Variants in ANKRD30A observed in about 807,000 individuals in gnomAD.
ANKRD30A encodes ankyrin repeat domain-containing protein 30A.
In ANKRD30A, 170 loss-of-function variants were observed where a neutral mutation model predicts 166.3. The observed-to-expected ratio is 1.02, with a 90% CI of 0.90 to 1.16. ANKRD30A has a LOEUF of 1.16. Among genes scored for constraint, ANKRD30A ranks in the 50% most tolerant of loss-of-function variants. ANKRD30A has a pLI of 0.00. For synonymous variants in ANKRD30A, 564 were observed against 508.9 expected (o/e 1.11, Z -1.46); for missense variants, 1,630 against 1,518.0 (o/e 1.07, Z -1.23).
chr10:37,216,496 G>GA, intron 32 of ANKRD30A, 102 bp downstream of exon 32: 2 of 1,125,888 alleles, frequency 1.8e-6, no homozygotes, highest in Non-Finnish European at 1.2e-6. Context: ...TTTTACTGGA[G>GA]AAAAAAATGT....
chr10:37,132,441 T>C (rs1836435469), intron 4 of ANKRD30A, 95 bp downstream of exon 4: 1 of 691,054 alleles, frequency 1.4e-6, no homozygotes, highest in Non-Finnish European at 2.2e-6. Context: ...TACTTAAAAT[T>C]GTTAGATTAT....
At chr10:37,153,484 T>C (rs1216475459) in intron 12 of ANKRD30A, 88 bp from the exon 13 acceptor site, 16 of 1,571,914 alleles carry the variant, frequency 1.0e-5, no homozygotes, top group Admixed American at 4.0e-5. Flanking sequence ...AATTGTGTTT[T>C]TAAAAAAGAA....
At chr10:37,261,493 TA>T in the ANKRD30A span, among the ~76,000 whole-genome samples, 1 of 152,178 alleles carries the variant, frequency 6.6e-6, no homozygotes, top group Non-Finnish European at 1.5e-5. Flanking sequence ...AGATGAATCA[TA>T]AATGAACACT....
At chr10:37,256,332 C>T in the ANKRD30A span, among the ~76,000 whole-genome samples, 15 of 152,340 alleles carry the variant, frequency 9.8e-5, no homozygotes, top group African/African-American at 3.6e-4. Context: ...TCATGGATCA[C>T]TGCAGCCTCA....
chr10:37,213,438 A>T (rs1842442331), intron 31 of ANKRD30A, among the ~76,000 whole-genome samples: 1 of 151,626 alleles, frequency 6.6e-6, no homozygotes, highest in Non-Finnish European at 1.5e-5. Flanking sequence ...TAATAACATC[A>T]CCTCTATGAT....
intron 17 of ANKRD30A, among the ~76,000 whole-genome samples, chr10:37,163,955 C>T (rs2132601948): frequency 7.9e-6 from 1 of 125,926 alleles, no homozygotes; most frequent in Non-Finnish European, 1.8e-5. Flanking sequence ...TGCCCCACAG[C>T]TTCTTAGAGC....
chr10:37,206,832 G>A (rs1013893048), intron 31 of ANKRD30A, among the ~76,000 whole-genome samples: 1 of 123,530 alleles, frequency 8.1e-6, no homozygotes. Context: ...ATTTCTTAGA[G>A]ACTAACATGA....
rs372420008 is a variant in ANKRD30A at position 37,141,994 on chromosome 10, A to G, written c.1097A>G (p.Lys366Arg). 16 of 1,614,004 alleles carry G rather than the reference A, an allele frequency of 9.9e-6. No homozygotes were observed. The highest frequency in any genetic ancestry group is 1.3e-5 in the African/African-American group (1 of 74,918). ...ETPREITSPA[K>R]ETSEKFTWPA... ...CCTAGGGAAATTACGAGTCCTGCAA[A>G]AGAAACATCTGAGAAATTTACGTGG... is the stretch of plus-strand genomic sequence containing the variant. The change falls in exon 7 of 36, where the codon AAA becomes AGA. Residue 366 changes from lysine (K) to arginine (R), a missense_variant. This residue lies in a region of ANKRD30A where 904 missense variants were observed against 818.5 expected (regional missense o/e 1.10). Transcript: ENST00000361713.
rs1399109598 is a variant in ANKRD30A, at chr10:37,126,002, A to C, written c.215A>C (p.Gln72Pro). The C allele has an allele frequency of 6.2e-7, 1 of 1,607,658 alleles. No individual in the cohort carries two copies. Among genetic ancestry groups the C allele is most frequent in the African/African-American group, 1.3e-5 (1 of 74,618 alleles). ...ATCAACCTTAATATACAAGACGCCC[A>C]GAAGAGGTACCAGGCCCTGCCTGAG... ...KTINLNIQDA[Q>P]KRTALHWACV... is the part of the protein sequence containing the mutation. Residue 72 changes from glutamine to proline, a missense_variant, in exon 1 of 36, where the codon CAG (glutamine) becomes CCG (proline). By Grantham distance (76) the Gln-to-Pro change is moderately conservative. Coordinates refer to ENST00000361713, the MANE Select transcript of ANKRD30A (RefSeq NM_052997.3).
At chr10:37,161,744 C>A (rs1050509835) in intron 15 of ANKRD30A, among the ~76,000 whole-genome samples, 1 of 152,110 alleles carries the variant, frequency 6.6e-6, no homozygotes, top group African/African-American at 2.4e-5. Flanking sequence ...GTTCGCTATA[C>A]AAATGACACA....
intron 31 of ANKRD30A, among the ~76,000 whole-genome samples, chr10:37,203,590 C>T (rs537185817): frequency 1.8e-4 from 27 of 152,288 alleles, no homozygotes; most frequent in Non-Finnish European, 3.1e-4. Context: ...CAGGGATGCC[C>T]TCTCTCACCA....
At chr10:37,142,921 A>G (rs975696951) in intron 7 of ANKRD30A, among the ~76,000 whole-genome samples, 7 of 152,072 alleles carry the variant, frequency 4.6e-5, no homozygotes, top group South Asian at 2.1e-4. Context: ...CAACAGCTCC[A>G]ATAATCATGC....
At chr10:37,165,905 G>GGT (rs1313905332) in intron 18 of ANKRD30A, among the ~76,000 whole-genome samples, 1 of 151,466 alleles carries the variant, frequency 6.6e-6, no homozygotes, top group African/African-American at 2.4e-5. Context: ...AGCAAAGGGT[G>GGT]GAAGTCAATA....
At chr10:37,204,990 C>A (rs1027547466) in intron 31 of ANKRD30A, among the ~76,000 whole-genome samples, 3 of 152,110 alleles carry the variant, frequency 2.0e-5, no homozygotes, top group African/African-American at 7.2e-5. Flanking sequence ...AACGCTTTTA[C>A]ACTGTTGGTG....
the ANKRD30A span, among the ~76,000 whole-genome samples, chr10:37,259,755 T>C: frequency 1.3e-5 from 2 of 152,228 alleles, no homozygotes; most frequent in Non-Finnish European, 2.9e-5. Flanking sequence ...ACACATGTTC[T>C]ATGAATCCAT....
At position 37,125,966 on chromosome 10, in the gene ANKRD30A, G is replaced by A. The variant is rs774400842; in HGVS notation, c.179G>A (p.Arg60Lys). 6.8e-6 allele frequency: 11 copies of A among 1,612,140 alleles called. No individual in the cohort carries two copies. The South Asian group carries it at 7.7e-5, about 11-fold the overall frequency. Residue 60 changes from arginine (R) to lysine (K), a missense_variant, in exon 1 of 36, where the codon AGG becomes AAG. By Grantham distance (26) the Arg-to-Lys change is conservative. This residue lies in a region of ANKRD30A where 904 missense variants were observed against 818.5 expected (regional missense o/e 1.10). Coordinates refer to ENST00000361713, the MANE Select transcript of ANKRD30A (RefSeq NM_052997.3). ...CGGAAGCTGGAGAAGATGACAAAGA[G>A]GAAGAAGACCATCAACCTTAATATA... ...QVRKLEKMTK[R>K]KKTINLNIQD...
chr10:37,254,608 A>C, the ANKRD30A span, among the ~76,000 whole-genome samples: 1 of 150,784 alleles, frequency 6.6e-6, no homozygotes, highest in Non-Finnish European at 1.5e-5. Flanking sequence ...TTTTAGATAC[A>C]TATTTCTAAT....
chr10:37,197,160 T>G, intron 27 of ANKRD30A, 121 bp from the exon 28 acceptor site: 1 of 1,391,666 alleles, frequency 7.2e-7, no homozygotes, highest in Non-Finnish European at 1.0e-6. Context: ...ACTTTCCAAA[T>G]CTAAAGTATT....
At chr10:37,254,018 T>C in the ANKRD30A span, among the ~76,000 whole-genome samples, 1 of 152,210 alleles carries the variant, frequency 6.6e-6, no homozygotes, top group Non-Finnish European at 1.5e-5. Flanking sequence ...GTTTATGACC[T>C]AATAAGTTTG....
Sources: gnomAD v4.1 joint callset for allele counts (sites outside exome capture counted in the v4.1 genomes callset) on GRCh38, gnomAD v4.1.1 for gene constraint, gnomAD v4.1.1 regional missense constraint, MANE v1.5 for transcripts, NCBI Gene and HGNC (gene_info 2026-07-23, HGNC 2026-07-21) for gene names.